Variants in DET1 observed in about 807,000 individuals in gnomAD.
The protein encoded by DET1 is DET1 homolog.
Under a neutral mutation model 43.7 loss-of-function variants are expected in DET1, and 22 were observed. That is an observed-to-expected ratio of 0.50 (90% CI 0.36 to 0.72). The LOEUF is 0.72. Ranked by LOEUF, DET1 falls within the 30% of genes least tolerant of loss-of-function variation. DET1 has a pLI of 0.00. For synonymous variants in DET1, 315 were observed against 266.2 expected, an observed-to-expected ratio of 1.18 and a Z score of -1.79; for missense variants, 713 against 713.3, an observed-to-expected ratio of 1.00 and a Z score of 0.00.
intron 2 of DET1, among the ~76,000 whole-genome samples, chr15:88,529,669 C>T (rs1052655053): frequency 6.6e-6 from 1 of 152,204 alleles, no homozygotes; most frequent in African/African-American, 2.4e-5. Flanking sequence ...AGATACCAAA[C>T]TCAGTTGACT....
Position 88,531,044 on chromosome 15 carries a change from C to A in DET1, c.662G>T (p.Gly221Val). 1 of 1,613,600 alleles carries A rather than the reference C, an allele frequency of 6.2e-7. No individual in the cohort carries two copies. Among genetic ancestry groups the A allele is most frequent in the Non-Finnish European group, 8.5e-7 (1 of 1,179,718 alleles). Residue 221 changes from glycine (G) to valine (V), a missense_variant, in exon 2 of 5, where the codon GGG becomes GTG. By Grantham distance (109) the Gly-to-Val change is moderately radical (BLOSUM62 -3). Coordinates refer to ENST00000268148, the MANE Select transcript of DET1 (RefSeq NM_001144074.3). This position sits in a 1 kb window ranked among gnomAD's most constrained non-coding sequence, Gnocchi z 6.2. ...CDKVVLSHNQGLYLYKNILAI... is the reference protein window; with the variant it reads ...CDKVVLSHNQVLYLYKNILAI... ...CAGGATGTTTTTGTACAAGTACAGC[C>A]CTTGGTTGTGTGACAAGACCACCTT... is the stretch of plus-strand genomic sequence containing the variant.
At chr15:88,510,923 G>A (rs1049797076), downstream of DET1, among the ~76,000 whole-genome samples, 6 of 151,766 alleles carry the variant, frequency 4.0e-5, no homozygotes, top group African/African-American at 9.7e-5. Flanking sequence ...ACTGGCGCCC[G>A]CCACCACGTC....
At chr15:88,537,186 T>C (rs566778171) in intron 1 of DET1, among the ~76,000 whole-genome samples, 5 of 152,292 alleles carry the variant, frequency 3.3e-5, no homozygotes, top group African/African-American at 7.2e-5. Flanking sequence ...AAAAATGAAA[T>C]AGAAAGTATC....
chr15:88,518,427 T>C (rs888280335), intron 3 of DET1, among the ~76,000 whole-genome samples: 5 of 152,168 alleles, frequency 3.3e-5, no homozygotes, highest in African/African-American at 1.2e-4. Context: ...ACAGGGGAAA[T>C]GTTTATCACA....
At position 88,504,468 on chromosome 15, in the gene DET1, G is replaced by A. The variant is rs1442558684; in HGVS notation, c.*2066-481C>T. 1.3e-5 allele frequency: 2 copies of A among 152,118 alleles called. No homozygotes were observed. Among genetic ancestry groups the A allele is most frequent in the Non-Finnish European group, 2.9e-5 (2 of 68,020 alleles). 9.4% of individuals were successfully genotyped at this position (152,118 alleles called of 1,614,324 possible). On this transcript the variant is annotated intron_variant and NMD_transcript_variant, in intron 7 of 8. Coordinates refer to the DET1 transcript ENST00000557842. This position sits in a 1 kb window ranked among gnomAD's most constrained non-coding sequence, Gnocchi z 4.7. ...TAAGAACAAATTAAACCATGACAAT[G>A]CTTATTGCTTGGAATCATTTTTATA...
Position 88,527,704 on chromosome 15 carries a change from A to G in DET1, c.1166T>C (p.Leu389Pro). The change falls in exon 3 of 5, where the codon CTC (leucine) becomes CCC (proline). Residue 389 changes from leucine (L) to proline (P), a missense_variant. By Grantham distance (98) the Leu-to-Pro change is moderately conservative. Transcript: ENST00000268148. The stretch of plus-strand genomic sequence containing the variant: ...AAAAAGGTCACAGAAGTTCTCAAAG[A>G]GCTCCAAAAGCTCATCTGATGTATT... ...FENTSDELLE[L>P]FENFCDLFRN... is the part of the protein sequence containing the mutation. 1 of 1,613,934 alleles carries G rather than the reference A, an allele frequency of 6.2e-7. No individual in the cohort carries two copies. Among genetic ancestry groups the G allele is most frequent in the South Asian group, 1.1e-5 (1 of 91,076 alleles).
intron 4 of DET1, among the ~76,000 whole-genome samples, chr15:88,513,493 T>C (rs2056250240): frequency 6.6e-6 from 1 of 152,160 alleles, no homozygotes; most frequent in Non-Finnish European, 1.5e-5. Context: ...ACGTGTGTAA[T>C]TTTAAATTTT....
intron 1 of DET1, among the ~76,000 whole-genome samples, chr15:88,542,490 G>A (rs993045131): frequency 5.3e-5 from 8 of 152,116 alleles, no homozygotes; most frequent in Admixed American, 2.6e-4. Context: ...CTTTTGACCC[G>A]GTGGCTCCCG....
downstream of DET1, among the ~76,000 whole-genome samples, chr15:88,510,275 G>C (rs764061152): frequency 5.9e-5 from 9 of 152,162 alleles, no homozygotes; most frequent in Non-Finnish European, 1.3e-4. Flanking sequence ...GACTAAGGTG[G>C]AGGAAAGTGC....
chr15:88,523,967 C>G (rs536499439), intron 3 of DET1, among the ~76,000 whole-genome samples: 2 of 151,154 alleles, frequency 1.3e-5, no homozygotes, highest in South Asian at 2.1e-4. Context: ...CGTCTCCACC[C>G]GGCCGCCATC....
intron 2 of DET1, 130 bp from the exon 3 acceptor site, chr15:88,527,916 A>ACAC: frequency 1.7e-6 from 1 of 590,244 alleles, no homozygotes; most frequent in Non-Finnish European, 2.7e-6. Flanking sequence ...AACAACAACA[A>ACAC]CAACAAGCAA....
chr15:88,545,641 G>A (rs569003270), intron 1 of DET1, among the ~76,000 whole-genome samples: 1 of 115,552 alleles, frequency 8.7e-6, no homozygotes, highest in African/African-American at 3.8e-5. Context: ...CATAGCTTCT[G>A]TCAAACTTAT....
At chr15:88,523,268 A>T (rs12906658) in intron 3 of DET1, among the ~76,000 whole-genome samples, 105,814 of 152,068 alleles carry the variant, frequency 0.7, 37,104 homozygotes, top group South Asian at 0.8. Flanking sequence ...ATCCTTGGTG[A>T]CCATTTTTAT....
At chr15:88,519,140 C>A (rs7402989) in intron 3 of DET1, among the ~76,000 whole-genome samples, 105,131 of 151,982 alleles carry the variant, frequency 0.69, 36,600 homozygotes, top group South Asian at 0.8. Flanking sequence ...TTTGTGATGA[C>A]CACAAATCAA....
At chr15:88,528,751 A>G (rs2142302093) in intron 2 of DET1, among the ~76,000 whole-genome samples, 1 of 152,338 alleles carries the variant, frequency 6.6e-6, no homozygotes, top group African/African-American at 2.4e-5. Flanking sequence ...CCAGCCTCCT[A>G]TGATTGAGTT....
downstream of DET1, chr15:88,512,273 G>A: frequency 1.2e-6 from 1 of 863,154 alleles, no homozygotes; most frequent in Non-Finnish European, 1.4e-6. Context: ...AGTTCCTCCA[G>A]CTGTGACAAT....
intron 1 of DET1, among the ~76,000 whole-genome samples, chr15:88,533,353 C>T (rs1177836977): frequency 6.6e-6 from 1 of 152,114 alleles, no homozygotes; most frequent in Non-Finnish European, 1.5e-5. Context: ...AAAAATAGTA[C>T]AGCTACTAAG....
Position 88,518,043 on chromosome 15 carries a change from A to G in DET1, c.1272-1070T>C, listed in dbSNP as rs1027492197. The stretch of plus-strand genomic sequence containing the variant: ...CCTCCACCTCTCCTGGGCTCAAGCA[A>G]TCCTCCTACCTCAGCTTCCCAAGTA... On this transcript the variant is annotated intron_variant, in intron 3 of 4. Coordinates refer to ENST00000268148, the MANE Select transcript of DET1 (RefSeq NM_001144074.3). 2.0e-5 allele frequency among the ~76,000 whole-genome samples: 3 copies of G among 151,496 alleles called. No homozygotes were observed. The East Asian group carries it at 5.8e-4, about 29-fold the overall frequency.
In DET1 at chr15:88,546,592, G is replaced by C. The variant is rs2057263635; in HGVS notation, c.-63C>G. The C allele has an allele frequency of 1.3e-5, 2 of 152,496 alleles. No individual in the cohort carries two copies. The highest frequency in any genetic ancestry group is 2.4e-5 in the African/African-American group (1 of 41,474). The allele number at this position is 152,496 out of a possible 1,614,324, so 9.4% of individuals were successfully genotyped here. Reference sequence around the variant, plus strand: ...GGCGAGGGATGCCCCAGCCTGTTCTGTGCGCGCCTCCCCCTGCCCCGCCCC... The same window carrying C: ...GGCGAGGGATGCCCCAGCCTGTTCTCTGCGCGCCTCCCCCTGCCCCGCCCC... On this transcript the variant is annotated 5_prime_UTR_variant, in exon 1 of 5. Transcript: ENST00000268148.
Sources: gnomAD v4.1 joint callset for allele counts (sites outside exome capture counted in the v4.1 genomes callset) on GRCh38, gnomAD v4.1.1 for gene constraint, Gnocchi (gnomAD v3.1) non-coding constraint, MANE v1.5 for transcripts, NCBI Gene and HGNC (gene_info 2026-07-23, HGNC 2026-07-21) for gene names.